ZSWIM5: variants seen among roughly 807,000 people sequenced by gnomAD.
ZSWIM5 encodes the protein zinc finger SWIM domain-containing protein 5.
ZSWIM5 carries 55 observed loss-of-function variants against 119.6 expected under a neutral mutation model. That is an observed-to-expected ratio of 0.46 (90% CI 0.37 to 0.58). The LOEUF (loss-of-function observed/expected upper bound fraction) is 0.58, where lower values mean the gene tolerates loss of function less well. Among genes scored for constraint, ZSWIM5 ranks in the 20% least tolerant of loss-of-function variants. The pLI is 0.00. For missense variants in ZSWIM5, 1,193 were observed against 1,512.8 expected (o/e 0.79, Z 3.51); for synonymous variants, 537 against 606.9 (o/e 0.88, Z 1.69).
chr1:45,167,006 C>A (rs368109507), intron 1 of ZSWIM5, among the ~76,000 whole-genome samples: 1 of 152,126 alleles, frequency 6.6e-6, no homozygotes, highest in East Asian at 1.9e-4. Context: ...AAAGAGCCCG[C>A]ATTGCCAAGT....
intron 11 of ZSWIM5, among the ~76,000 whole-genome samples, chr1:45,024,364 A>G (rs1318716564): frequency 6.7e-6 from 1 of 150,334 alleles, no homozygotes; most frequent in Non-Finnish European, 1.5e-5. Flanking sequence ...GCTACTTTTT[A>G]AATTTTTATT....
Position 45,113,280 on chromosome 1 carries a change from G to C in ZSWIM5, c.596-25043C>G, listed in dbSNP as rs115081711. On this transcript the variant is annotated intron_variant, in intron 1 of 13. Transcript: ENST00000359600. ...AGATTATAAAAAAGAGAATGGCAGA[G>C]ATGATATTGAAGAGGTAGGGAGGGA... is the stretch of plus-strand genomic sequence containing the variant. Among the ~76,000 whole-genome samples the C allele has an allele frequency of 2.5e-3, 383 of 152,324 alleles. 2 individuals carry two copies. Among genetic ancestry groups the C allele is most frequent in the African/African-American group, 8.8e-3 (365 of 41,584 alleles).
chr1:45,108,440 T>C (rs1436944676), intron 1 of ZSWIM5, among the ~76,000 whole-genome samples: 1 of 152,176 alleles, frequency 6.6e-6, no homozygotes, highest in African/African-American at 2.4e-5. Context: ...GCATGATCAA[T>C]GGTTTATTTT....
At chr1:45,165,781 C>T (rs12750360) in intron 1 of ZSWIM5, among the ~76,000 whole-genome samples, 14,454 of 151,416 alleles carry the variant, frequency 0.095, 843 homozygotes, top group Non-Finnish European at 0.12. Context: ...AAGTTGAATC[C>T]CTGAATAGAC....
intron 1 of ZSWIM5, among the ~76,000 whole-genome samples, chr1:45,136,414 T>A (rs1444676458): frequency 6.6e-6 from 1 of 152,150 alleles, no homozygotes; most frequent in Non-Finnish European, 1.5e-5. Flanking sequence ...TCCGGCCCAT[T>A]TGGGTTTTCT....
intron 1 of ZSWIM5, among the ~76,000 whole-genome samples, chr1:45,140,551 A>G (rs1031738720): frequency 6.6e-6 from 1 of 152,210 alleles, no homozygotes; most frequent in Non-Finnish European, 1.5e-5. Context: ...AAATAGCAAG[A>G]TGGTAGATTT....
intron 1 of ZSWIM5, among the ~76,000 whole-genome samples, chr1:45,129,901 ATT>A (rs988429826): frequency 6.8e-6 from 1 of 146,712 alleles, no homozygotes. Flanking sequence ...ATAAAAGGAA[ATT>A]TTTTTTTTTT....
intron 2 of ZSWIM5, among the ~76,000 whole-genome samples, chr1:45,079,597 C>G (rs757362518): frequency 6.6e-6 from 1 of 152,204 alleles, no homozygotes; most frequent in Non-Finnish European, 1.5e-5. Flanking sequence ...CAAGAGGTCA[C>G]TTGGTGCTCT....
chr1:45,202,042 A>G (rs1442853003), intron 1 of ZSWIM5, among the ~76,000 whole-genome samples: 1 of 152,150 alleles, frequency 6.6e-6, no homozygotes, highest in Non-Finnish European at 1.5e-5. Context: ...CAGAAAAAAA[A>G]AAGATAATGT....
At chr1:45,200,752 T>C (rs952833668) in intron 1 of ZSWIM5, among the ~76,000 whole-genome samples, 2 of 152,208 alleles carry the variant, frequency 1.3e-5, no homozygotes, top group Admixed American at 6.5e-5. Flanking sequence ...CAAGTCTAAA[T>C]AATGCTTACC....
chr1:45,053,127 CAA>C (rs60199581), intron 4 of ZSWIM5, among the ~76,000 whole-genome samples: 6,975 of 122,208 alleles, frequency 0.057, 223 homozygotes, highest in Non-Finnish European at 0.084. Flanking sequence ...CCGTCTCAAA[CAA>C]AAAAAAAAAA....
At chr1:45,178,274 G>A (rs907068535) in intron 1 of ZSWIM5, among the ~76,000 whole-genome samples, 6 of 152,004 alleles carry the variant, frequency 3.9e-5, no homozygotes. Context: ...GAAATGAAGG[G>A]ATAGCTGGGT....
intron 1 of ZSWIM5, among the ~76,000 whole-genome samples, chr1:45,197,383 T>C (rs1035359444): frequency 7.2e-5 from 11 of 152,354 alleles, no homozygotes; most frequent in Middle Eastern, 3.4e-3. Flanking sequence ...TAGAATTTCA[T>C]ACATATGAAA....
Position 45,088,121 on chromosome 1 carries a change from C to T in ZSWIM5, c.712G>A (p.Gly238Arg), listed in dbSNP as rs1645342594. The change falls in exon 2 of 14, where the codon GGG (glycine) becomes AGG (arginine). Residue 238 changes from glycine to arginine, a missense_variant. Coordinates refer to ENST00000359600, the MANE Select transcript of ZSWIM5 (RefSeq NM_020883.2). The surrounding 1 kb of genome is among the most constrained non-coding windows in gnomAD (Gnocchi z 4.2). ...GCACAGTAGAATATGTCCTTGTTCC[C>T]ACAGCCACATGTCACTGAGGTGATT... ...CKITSVTCGC[G>R]NKDIFYCAHV... 2 of 1,614,160 alleles carry T rather than the reference C, an allele frequency of 1.2e-6. No homozygotes were observed. Among genetic ancestry groups the T allele is most frequent in the East Asian group, 2.2e-5 (1 of 44,882 alleles).
In ZSWIM5 at chr1:45,198,351, G is replaced by C. The variant is rs548306284; in HGVS notation, c.595+7405C>G. 5.9e-5 allele frequency among the ~76,000 whole-genome samples: 9 copies of C among 152,320 alleles called. No homozygotes were observed. The South Asian group carries it at 1.2e-3, about 21-fold the overall frequency. Reference sequence around the variant, plus strand: ...GAAGACAAAGCACAATCAAAGCAATGGCTACCAAGAGGTGGCAGTGGTCCA... The same window carrying C: ...GAAGACAAAGCACAATCAAAGCAATCGCTACCAAGAGGTGGCAGTGGTCCA... On this transcript the variant is annotated intron_variant, in intron 1 of 13. Transcript: ENST00000359600.
intron 2 of ZSWIM5, 126 bp downstream of exon 2, chr1:45,087,755 G>GC: frequency 1.4e-6 from 1 of 700,146 alleles, no homozygotes; most frequent in Non-Finnish European, 2.5e-6. Context: ...TTAAGTGATT[G>GC]CAACTGCAGA....
chr1:45,072,299 C>T lies in ZSWIM5; in HGVS notation c.953-12052G>A, dbSNP rs1645226602. Among the ~76,000 whole-genome samples, 1 of 151,822 alleles carries T rather than the reference C, an allele frequency of 6.6e-6. No individual in the cohort carries two copies. Among genetic ancestry groups the T allele is most frequent in the African/African-American group, 2.4e-5 (1 of 41,196 alleles). ...TTAGATTTTTTCCTATTGAATTAAG[C>T]TCCTTATATATTCTTGTTATTAAGT... On this transcript the variant is annotated intron_variant, in intron 2 of 13. Coordinates refer to ENST00000359600, the MANE Select transcript of ZSWIM5 (RefSeq NM_020883.2). The surrounding 1 kb of genome is among the most constrained non-coding windows in gnomAD (Gnocchi z 4.1).
At chr1:45,100,538 G>T (rs1263832743) in intron 1 of ZSWIM5, among the ~76,000 whole-genome samples, 1 of 152,048 alleles carries the variant, frequency 6.6e-6, no homozygotes, top group Non-Finnish European at 1.5e-5. Context: ...TCACAGAATT[G>T]GAAAAAACTA....
At chr1:45,070,394 G>C (rs1228457062) in intron 2 of ZSWIM5, 5 of 1,423,212 alleles carry the variant, frequency 3.5e-6, no homozygotes, top group Non-Finnish European at 5.0e-6. Context: ...TAGGACATTC[G>C]AGCACAAAGA....
Sources: gnomAD v4.1 joint callset for allele counts (sites outside exome capture counted in the v4.1 genomes callset) on GRCh38, gnomAD v4.1.1 for gene constraint, Gnocchi (gnomAD v3.1) non-coding constraint, MANE v1.5 for transcripts, NCBI Gene and HGNC (gene_info 2026-07-23, HGNC 2026-07-21) for gene names.